PABPC4L: variants seen among roughly 807,000 people sequenced by gnomAD.
The protein encoded by PABPC4L is poly(A) binding protein cytoplasmic 4 like.
For missense variants in PABPC4L, 452 were observed against 451.4 expected (o/e 1.00, Z -0.01); for synonymous variants, 169 against 164.1 (o/e 1.03, Z -0.23).
chr4:134,072,525 C>T, the PABPC4L span, among the ~76,000 whole-genome samples: 82 of 152,246 alleles, frequency 5.4e-4, no homozygotes, highest in Middle Eastern at 3.4e-3. Context: ...TTATAACAAC[C>T]TGCAAGTAGG....
the PABPC4L span, among the ~76,000 whole-genome samples, chr4:134,048,479 T>TC: frequency 6.6e-6 from 1 of 152,146 alleles, no homozygotes; most frequent in Non-Finnish European, 1.5e-5. Context: ...ATTAAAGCAA[T>TC]TACTGAGCTT....
At chr4:134,098,197 C>A in the PABPC4L span, among the ~76,000 whole-genome samples, 1 of 151,778 alleles carries the variant, frequency 6.6e-6, no homozygotes, top group African/African-American at 2.4e-5. Flanking sequence ...TATTTGTCTA[C>A]TGTCAAGTCA....
At chr4:134,111,109 C>T in the PABPC4L span, among the ~76,000 whole-genome samples, 2 of 151,960 alleles carry the variant, frequency 1.3e-5, no homozygotes, top group African/African-American at 4.8e-5. Flanking sequence ...GGTAAGGGTC[C>T]ATCCTCTGCT....
At chr4:134,047,180 T>G in the PABPC4L span, among the ~76,000 whole-genome samples, 1 of 152,188 alleles carries the variant, frequency 6.6e-6, no homozygotes, top group East Asian at 1.9e-4. Context: ...AGTTAGCTTA[T>G]GCTTTAAATT....
rs767846023 is a variant in PABPC4L at position 134,200,144 on chromosome 4, C to A, written c.876G>T (p.Gly292=). 4 of 1,551,562 alleles carry A rather than the reference C, an allele frequency of 2.6e-6. No individual in the cohort carries two copies. In the South Asian group the frequency reaches 4.8e-5, roughly 18 times the overall value. ...LKRERIRGCQ[G]VKLYIKNLDD... ...CAAGGTTCTTAATATAGAGTTTTAC[C>A]CCCTGGCACCCACGAATTCGTTCCC... The change falls in exon 2 of 2, where the codon GGG becomes GGT. Residue 292 remains glycine (G), a synonymous_variant. Transcript: ENST00000421491.
the PABPC4L span, among the ~76,000 whole-genome samples, chr4:134,090,586 G>A: frequency 6.6e-5 from 10 of 151,870 alleles, no homozygotes; most frequent in Non-Finnish European, 1.2e-4. Context: ...GCAACATAGC[G>A]AGACCCCATC....
chr4:134,185,548 G>C, the PABPC4L span, among the ~76,000 whole-genome samples: 1 of 152,024 alleles, frequency 6.6e-6, no homozygotes, highest in East Asian at 1.9e-4. Context: ...AAAATAATAA[G>C]AGCTATTTAT....
At chr4:134,091,206 C>T in the PABPC4L span, among the ~76,000 whole-genome samples, 1 of 151,810 alleles carries the variant, frequency 6.6e-6, no homozygotes, top group African/African-American at 2.4e-5. Context: ...AAAGTGTTTC[C>T]TCATTTACGC....
the PABPC4L span, among the ~76,000 whole-genome samples, chr4:134,055,900 A>G: frequency 6.6e-6 from 1 of 151,902 alleles, no homozygotes; most frequent in African/African-American, 2.4e-5. Flanking sequence ...GCCTAGCCCT[A>G]GATTATGAAG....
At chr4:134,124,941 T>A in the PABPC4L span, among the ~76,000 whole-genome samples, 3 of 152,078 alleles carry the variant, frequency 2.0e-5, no homozygotes, top group African/African-American at 7.2e-5. Context: ...GCATTCCCAA[T>A]AACTGGTACT....
chr4:133,984,433 A>AT, the PABPC4L span, among the ~76,000 whole-genome samples: 1 of 151,804 alleles, frequency 6.6e-6, no homozygotes, highest in Non-Finnish European at 1.5e-5. Context: ...CAAAAATGGC[A>AT]TTTTTTCACT....
At chr4:134,040,976 C>T in the PABPC4L span, among the ~76,000 whole-genome samples, 7 of 152,180 alleles carry the variant, frequency 4.6e-5, no homozygotes, top group Middle Eastern at 3.4e-3. Flanking sequence ...TGAAAAAAAG[C>T]TCATCATCAC....
At chr4:134,133,277 TTA>T in the PABPC4L span, among the ~76,000 whole-genome samples, 10 of 138,818 alleles carry the variant, frequency 7.2e-5, no homozygotes, top group African/African-American at 2.7e-4. Flanking sequence ...AAATTATTTA[TTA>T]TATATAATTG....
chr4:134,144,695 A>G, the PABPC4L span, among the ~76,000 whole-genome samples: 1 of 151,458 alleles, frequency 6.6e-6, no homozygotes, highest in Non-Finnish European at 1.5e-5. Flanking sequence ...TTTCTATTAT[A>G]CTCGGGACCC....
At chr4:134,137,579 G>A in the PABPC4L span, among the ~76,000 whole-genome samples, 2 of 151,620 alleles carry the variant, frequency 1.3e-5, no homozygotes, top group African/African-American at 4.8e-5. Context: ...AGATATCACA[G>A]TTTTTCTAGT....
chr4:134,125,513 T>A, the PABPC4L span, among the ~76,000 whole-genome samples: 1 of 152,186 alleles, frequency 6.6e-6, no homozygotes, highest in African/African-American at 2.4e-5. Flanking sequence ...TGCTATAAAC[T>A]GTTGCCTGGT....
At chr4:134,098,528 T>G in the PABPC4L span, among the ~76,000 whole-genome samples, 1 of 151,756 alleles carries the variant, frequency 6.6e-6, no homozygotes, top group African/African-American at 2.4e-5. Context: ...AATTTTCAAC[T>G]TGTTATATTT....
chr4:134,030,850 T>C, the PABPC4L span, among the ~76,000 whole-genome samples: 1 of 152,080 alleles, frequency 6.6e-6, no homozygotes, highest in African/African-American at 2.4e-5. Context: ...TGAATAGTTA[T>C]GAATCCAAAT....
the PABPC4L span, among the ~76,000 whole-genome samples, chr4:134,082,001 G>T: frequency 2.0e-5 from 3 of 152,108 alleles, no homozygotes; most frequent in Non-Finnish European, 4.4e-5. Flanking sequence ...ATGTGTGATG[G>T]ATGTTGATCA....
Sources: gnomAD v4.1 joint callset for allele counts (sites outside exome capture counted in the v4.1 genomes callset) on GRCh38, gnomAD v4.1.1 for gene constraint, MANE v1.5 for transcripts, NCBI Gene and HGNC (gene_info 2026-07-23, HGNC 2026-07-21) for gene names.